ZNF469: variants seen among roughly 807,000 people sequenced by gnomAD.
ZNF469 encodes the protein zinc finger protein 469.
A neutral mutation model predicts 1.0 loss-of-function variants in ZNF469; 1 was observed. The ratio of observed to expected loss-of-function variants is 1.00; its 90% CI spans 0.35 to 4.73. ZNF469 has a LOEUF of 4.73. Ranked by LOEUF, ZNF469 falls within the 30% of genes most tolerant of loss-of-function variation. ZNF469 has a pLI of 0.16. For missense variants in ZNF469, 6,100 were observed against 5,356.3 expected, an observed-to-expected ratio of 1.14 and a Z score of -4.33; for synonymous variants, 2,703 against 2,363.4, an observed-to-expected ratio of 1.14 and a Z score of -4.17.
the ZNF469 span, among the ~76,000 whole-genome samples, chr16:88,244,003 T>C: frequency 1.5e-5 from 2 of 135,320 alleles, no homozygotes; most frequent in Non-Finnish European, 3.2e-5. Flanking sequence ...AGTGAATGGA[T>C]GGATGTACGT....
intron 1 of ZNF469, among the ~76,000 whole-genome samples, chr16:88,397,511 G>GT (rs879422459): frequency 2.0e-5 from 3 of 152,168 alleles, no homozygotes; most frequent in Non-Finnish European, 4.4e-5. Context: ...GCAAGGTCGT[G>GT]TATCTCAATG....
chr16:88,237,596 GCCCTCTGTGCTCCTGCCAGT>G, the ZNF469 span, among the ~76,000 whole-genome samples: 6 of 38,138 alleles, frequency 1.6e-4, no homozygotes, highest in Admixed American at 5.0e-4. Flanking sequence ...CACCCTCCCT[GCCCTCTGTGCTCCTGCCAGT>G]CACCCTCCCT....
At chr16:88,194,236 A>C in the ZNF469 span, 2 of 152,246 alleles carry the variant, frequency 1.3e-5, no homozygotes, top group Non-Finnish European at 2.9e-5. Flanking sequence ...GTGGCACTGC[A>C]CTGCAGCAGC....
chr16:88,113,781 G>T, the ZNF469 span, among the ~76,000 whole-genome samples: 27 of 152,208 alleles, frequency 1.8e-4, no homozygotes, highest in Admixed American at 1.8e-3. Flanking sequence ...GACACGGCTG[G>T]TTTGACACCC....
chr16:88,287,885 C>T, the ZNF469 span, among the ~76,000 whole-genome samples: 1 of 152,090 alleles, frequency 6.6e-6, no homozygotes, highest in Non-Finnish European at 1.5e-5. Flanking sequence ...ACTGTCATTT[C>T]CTTTTCTTTA....
chr16:88,235,841 T>C, the ZNF469 span, among the ~76,000 whole-genome samples: 1,859 of 152,212 alleles, frequency 0.012, 30 homozygotes, highest in African/African-American at 0.041. Flanking sequence ...GGCCACAGTG[T>C]GAGCTCATAC....
chr16:88,412,849 G>T (rs1170739892), intron 1 of ZNF469, among the ~76,000 whole-genome samples: 1 of 152,174 alleles, frequency 6.6e-6, no homozygotes, highest in Admixed American at 6.5e-5. Context: ...TTTTAAATGG[G>T]GAGATTTCAC....
the ZNF469 span, among the ~76,000 whole-genome samples, chr16:88,281,545 T>G: frequency 1.5e-5 from 2 of 133,740 alleles, no homozygotes; most frequent in Non-Finnish European, 3.2e-5. Flanking sequence ...CGATGTTGGC[T>G]CACAGGTTAG....
chr16:88,120,009 A>G, the ZNF469 span, among the ~76,000 whole-genome samples: 1 of 152,068 alleles, frequency 6.6e-6, no homozygotes, highest in African/African-American at 2.4e-5. Flanking sequence ...CTGTCTTCTG[A>G]GAATGGGATG....
At chr16:88,101,801 T>A in the ZNF469 span, among the ~76,000 whole-genome samples, 6 of 152,178 alleles carry the variant, frequency 3.9e-5, no homozygotes, top group Non-Finnish European at 8.8e-5. Flanking sequence ...AGCTGGGCCA[T>A]GAATGAAAGT....
Position 88,430,093 on chromosome 16 carries a change from G to C in ZNF469, c.2623G>C (p.Gly875Arg). ...IDVFADEEPS[G>R]PRGPSSGHPL... ...CGTCTTCGCGGACGAGGAGCCTTCC[G>C]GCCCCAGAGGTCCCAGCTCCGGACA... Residue 875 changes from glycine to arginine, a missense_variant, in exon 3 of 3, where the codon GGC (glycine) becomes CGC (arginine). Coordinates refer to ENST00000565624, the MANE Select transcript of ZNF469 (RefSeq NM_001367624.2). 6.5e-7 allele frequency: 1 copy of C among 1,542,412 alleles called. No homozygotes were observed. The highest frequency in any genetic ancestry group is 1.2e-5 in the South Asian group (1 of 84,040).
At chr16:88,145,498 C>T in the ZNF469 span, among the ~76,000 whole-genome samples, 2 of 152,382 alleles carry the variant, frequency 1.3e-5, no homozygotes, top group East Asian at 1.9e-4. Flanking sequence ...TTCACCGGGC[C>T]GAGCTGCCCT....
At chr16:88,422,723 A>G (rs1225179381) in intron 1 of ZNF469, among the ~76,000 whole-genome samples, 4 of 142,436 alleles carry the variant, frequency 2.8e-5, no homozygotes, top group Middle Eastern at 4.6e-3. Flanking sequence ...GGATGGATGG[A>G]TGGATAATGA....
At chr16:88,400,463 G>A (rs1051097394) in intron 1 of ZNF469, among the ~76,000 whole-genome samples, 1 of 152,248 alleles carries the variant, frequency 6.6e-6, no homozygotes, top group Non-Finnish European at 1.5e-5. Context: ...AGACCAGGAA[G>A]GAGCACAGTC....
rs2033966577 is a variant in ZNF469 at position 88,424,217 on chromosome 16, T to A, written c.-191-590T>A. ...GATGCGAGGACGAGTGGACAGAGAG[T>A]GAGAAACCTCTTCACGGAATGTTGT... On this transcript the variant is annotated intron_variant, in intron 1 of 2. Coordinates refer to ENST00000565624, the MANE Select transcript of ZNF469 (RefSeq NM_001367624.2). The surrounding 1 kb of genome is among the most constrained non-coding windows in gnomAD (Gnocchi z 4.3). Among the ~76,000 whole-genome samples the A allele has an allele frequency of 6.6e-6, 1 of 151,986 alleles. No individual in the cohort carries two copies. The highest frequency in any genetic ancestry group is 2.4e-5 in the African/African-American group (1 of 41,358).
At chr16:88,132,086 G>C in the ZNF469 span, among the ~76,000 whole-genome samples, 1 of 152,166 alleles carries the variant, frequency 6.6e-6, no homozygotes, top group Non-Finnish European at 1.5e-5. Context: ...CCGATGCTTC[G>C]TGGCCACTCT....
the ZNF469 span, among the ~76,000 whole-genome samples, chr16:88,334,794 T>G: frequency 1.3e-5 from 2 of 151,480 alleles, no homozygotes; most frequent in African/African-American, 2.4e-5. Flanking sequence ...GACACACATG[T>G]GATGGATACA....
rs533119259 is a variant in ZNF469 at position 88,432,116 on chromosome 16, G to A, written c.4646G>A (p.Cys1549Tyr). 1.9e-6 allele frequency: 3 copies of A among 1,550,496 alleles called. No homozygotes were observed. In the African/African-American group the frequency reaches 4.1e-5, roughly 21 times the overall value. The change falls in exon 3 of 3, where the codon TGT (cysteine) becomes TAT (tyrosine). Residue 1549 changes from cysteine (C) to tyrosine (Y), a missense_variant. Physicochemically the swap from Cys to Tyr is radical, Grantham distance 194 (BLOSUM62 -2). Transcript: ENST00000565624. The part of the protein sequence containing the change: ...APSLPGKGSG[C>Y]SVALMSHLSE... Reference sequence around the variant, plus strand: ...TCTTTGCCTGGGAAGGGGAGTGGATGTAGCGTTGCTCTTATGAGTCACCTG... The same window carrying A: ...TCTTTGCCTGGGAAGGGGAGTGGATATAGCGTTGCTCTTATGAGTCACCTG...
chr16:88,194,862 T>C, the ZNF469 span: 2 of 152,198 alleles, frequency 1.3e-5, no homozygotes, highest in Non-Finnish European at 2.9e-5. Flanking sequence ...GGACACAGCA[T>C]GGAGTGAGTT....
Sources: gnomAD v4.1 joint callset for allele counts (sites outside exome capture counted in the v4.1 genomes callset) on GRCh38, gnomAD v4.1.1 for gene constraint, Gnocchi (gnomAD v3.1) non-coding constraint, MANE v1.5 for transcripts, NCBI Gene and HGNC (gene_info 2026-07-23, HGNC 2026-07-21) for gene names.